The following ERI1 variants were observed in gnomAD, a reference collection of about 807,000 sequenced individuals.
ERI1 encodes the protein exoribonuclease 1, also known as 3'-5' exoribonuclease 1.
A neutral mutation model predicts 39.7 loss-of-function variants in ERI1; 39 were observed. The ratio of observed to expected loss-of-function variants is 0.98; its 90% confidence interval spans 0.76 to 1.28. The LOEUF is 1.28. Among genes scored for constraint, ERI1 ranks in the 50% most tolerant of loss-of-function variants. The pLI is 0.00. For missense variants in ERI1, 581 were observed against 416.9 expected (o/e 1.39, Z -3.43); for synonymous variants, 204 against 149.6 (o/e 1.36, Z -2.65).
intron 1 of ERI1, among the ~76,000 whole-genome samples, chr8:9,006,845 G>A (rs1322141760): frequency 6.6e-6 from 1 of 152,134 alleles, no homozygotes; most frequent in African/African-American, 2.4e-5. Flanking sequence ...AATGTGTGTT[G>A]CATTAAATTG....
intron 3 of ERI1, among the ~76,000 whole-genome samples, chr8:9,080,160 C>T (rs2117448799): frequency 6.6e-6 from 1 of 152,270 alleles, no homozygotes; most frequent in Non-Finnish European, 1.5e-5. Context: ...TTTACAGCGA[C>T]TTGTGGTAAT....
intron 5 of ERI1, among the ~76,000 whole-genome samples, chr8:9,018,903 C>T (rs990596488): frequency 6.6e-6 from 1 of 152,120 alleles, no homozygotes; most frequent in Non-Finnish European, 1.5e-5. Context: ...TGTGTTTTAC[C>T]CTGACAACGC....
chr8:9,023,792 A>AATTT (rs369208558), intron 6 of ERI1, among the ~76,000 whole-genome samples: 6 of 68,648 alleles, frequency 8.7e-5, no homozygotes, highest in Non-Finnish European at 1.6e-4. Flanking sequence ...AGTAAAAATG[A>AATTT]CTTTTTTTTT....
intron 3 of ERI1, among the ~76,000 whole-genome samples, chr8:9,051,363 A>C (rs910667807): frequency 8.6e-5 from 13 of 151,968 alleles, no homozygotes; most frequent in Non-Finnish European, 1.8e-4. Context: ...GTTTTTAAGA[A>C]GCATGACTAA....
At chr8:9,057,141 G>GT (rs915167538) in intron 3 of ERI1, among the ~76,000 whole-genome samples, 3 of 151,268 alleles carry the variant, frequency 2.0e-5, no homozygotes, top group African/African-American at 4.9e-5. Context: ...CTGTTTTTTT[G>GT]TTTTTTTGTT....
intron 3 of ERI1, among the ~76,000 whole-genome samples, chr8:9,093,608 C>T (rs1473213982): frequency 1.3e-5 from 2 of 152,168 alleles, no homozygotes; most frequent in Admixed American, 6.5e-5. Context: ...CACTCTGTCA[C>T]CCAGGCTGGC....
chr8:9,068,000 T>C (rs1798935639), intron 3 of ERI1, among the ~76,000 whole-genome samples: 1 of 152,044 alleles, frequency 6.6e-6, no homozygotes, highest in Admixed American at 6.6e-5. Context: ...ACAGTCTCCT[T>C]CCCCCAAGCA....
chr8:9,020,518 A>G (rs1266107803), intron 6 of ERI1, 54 bp downstream of exon 6: 9 of 1,142,410 alleles, frequency 7.9e-6, no homozygotes, highest in Admixed American at 2.2e-5. Flanking sequence ...ATTTGTTAAA[A>G]TTTGCATGTA....
chr8:9,016,809 C>T (rs2117229771), intron 4 of ERI1, among the ~76,000 whole-genome samples: 1 of 152,254 alleles, frequency 6.6e-6, no homozygotes, highest in South Asian at 2.1e-4. Flanking sequence ...CCTCAACCTC[C>T]TGAGTAACTG....
intron 3 of ERI1, among the ~76,000 whole-genome samples, chr8:9,058,868 A>AATAC (rs1166714043): frequency 3.4e-5 from 5 of 148,002 alleles, no homozygotes; most frequent in Admixed American, 2.7e-4. Context: ...TAAATAAATA[A>AATAC]ATCTTTTATC....
intron 6 of ERI1, among the ~76,000 whole-genome samples, chr8:9,023,178 C>G (rs989253766): frequency 2.0e-5 from 3 of 151,936 alleles, no homozygotes; most frequent in East Asian, 1.9e-4. Flanking sequence ...TTAATCTCTT[C>G]TTTTTCTTCC....
At chr8:9,040,889 C>G (rs1032184921) in intron 3 of ERI1, among the ~76,000 whole-genome samples, 5 of 152,146 alleles carry the variant, frequency 3.3e-5, no homozygotes, top group African/African-American at 1.2e-4. Flanking sequence ...AGCACCAAGC[C>G]TTTTGAGTTC....
chr8:9,009,324 G>A (rs535554160), intron 2 of ERI1, among the ~76,000 whole-genome samples: 6 of 152,248 alleles, frequency 3.9e-5, no homozygotes, highest in African/African-American at 1.4e-4. Context: ...GCCAGGTACA[G>A]CATGAGAATA....
At chr8:9,049,912 C>G (rs1195199377) in intron 3 of ERI1, 1 of 152,222 alleles carries the variant, frequency 6.6e-6, no homozygotes, top group Non-Finnish European at 1.5e-5. Flanking sequence ...GCATGACCAT[C>G]AGCCCATGCC....
chr8:9,010,005 G>A (rs1262206799), intron 2 of ERI1, among the ~76,000 whole-genome samples: 1 of 152,190 alleles, frequency 6.6e-6, no homozygotes, highest in Non-Finnish European at 1.5e-5. Context: ...CAGAAAATTG[G>A]TGTTAGTGCT....
chr8:9,050,625 A>G (rs1798327920), intron 3 of ERI1, among the ~76,000 whole-genome samples: 1 of 152,150 alleles, frequency 6.6e-6, no homozygotes, highest in Non-Finnish European at 1.5e-5. Context: ...CTGATAAGTC[A>G]CCAGAGTGTA....
At chr8:9,067,947 T>C (rs1016472408) in intron 3 of ERI1, among the ~76,000 whole-genome samples, 6 of 140,442 alleles carry the variant, frequency 4.3e-5, no homozygotes, top group African/African-American at 1.5e-4. Flanking sequence ...CACACACATA[T>C]ATGTATATAC....
chr8:9,098,037 G>A (rs1438444716), intron 3 of ERI1, among the ~76,000 whole-genome samples: 2 of 152,164 alleles, frequency 1.3e-5, no homozygotes, highest in African/African-American at 2.4e-5. Flanking sequence ...ACCAAACATC[G>A]CATGTTCTCA....
chr8:9,051,224 A>T (rs1263396025), intron 3 of ERI1, among the ~76,000 whole-genome samples: 2 of 152,018 alleles, frequency 1.3e-5, no homozygotes, highest in East Asian at 3.9e-4. Context: ...GGTGGCTGAG[A>T]AGTCCACGGT....
Sources: gnomAD v4.1 joint callset for allele counts (sites outside exome capture counted in the v4.1 genomes callset) on GRCh38, gnomAD v4.1.1 for gene constraint, MANE v1.5 for transcripts, NCBI Gene and HGNC (gene_info 2026-07-23, HGNC 2026-07-21) for gene names.